The following PLAAT3 variants were observed in gnomAD, a reference collection of about 807,000 sequenced individuals.
The protein encoded by PLAAT3 is phospholipase A and acyltransferase 3.
In PLAAT3, 21 loss-of-function variants were observed where a neutral mutation model predicts 16.7. The ratio of observed to expected loss-of-function variants is 1.26; its 90% CI spans 0.89 to 1.81. The LOEUF (loss-of-function observed/expected upper bound fraction) is 1.81, where lower values mean the gene tolerates loss of function less well. Ranked by LOEUF, PLAAT3 falls within the 40% of genes most tolerant of loss-of-function variation. The probability of loss-of-function intolerance (pLI) is 0.00; values close to 1 mark genes in which losing one functional copy is unlikely to be tolerated. For synonymous variants in PLAAT3, 76 were observed against 81.7 expected, an observed-to-expected ratio of 0.93 and a Z score of 0.38; for missense variants, 219 against 213.7, an observed-to-expected ratio of 1.02 and a Z score of -0.16.
intron 3 of PLAAT3, among the ~76,000 whole-genome samples, chr11:63,593,051 A>G (rs996985771): frequency 2.0e-5 from 3 of 152,048 alleles, no homozygotes; most frequent in Non-Finnish European, 2.9e-5. Flanking sequence ...CCAACCCTCT[A>G]TCTACCACAC....
chr11:63,584,289 CTT>C (rs532324070), intron 4 of PLAAT3, among the ~76,000 whole-genome samples: 4 of 123,392 alleles, frequency 3.2e-5, no homozygotes, highest in Admixed American at 8.1e-5. Context: ...CTTCTGGTTG[CTT>C]TTTTTTTTTT....
intron 3 of PLAAT3, among the ~76,000 whole-genome samples, chr11:63,596,101 G>T (rs78970090): frequency 0.01 from 1,575 of 151,660 alleles, 27 homozygotes; most frequent in African/African-American, 0.035. Context: ...ATTAGCCAGG[G>T]GTGGTGCCAG....
At chr11:63,613,939 A>G in intron 2 of PLAAT3, 61 bp downstream of exon 2, 2 of 1,043,500 alleles carry the variant, frequency 1.9e-6, no homozygotes, top group Non-Finnish European at 3.0e-6. Flanking sequence ...CTCCGAGACA[A>G]CGAGTCCCCA....
intron 4 of PLAAT3, among the ~76,000 whole-genome samples, chr11:63,584,430 A>G (rs1937907188): frequency 1.3e-5 from 2 of 151,918 alleles, no homozygotes; most frequent in African/African-American, 4.8e-5. Context: ...TTAGGCATGT[A>G]AAGCACAAAT....
At chr11:63,614,816 C>T (rs1412410458), upstream of PLAAT3, among the ~76,000 whole-genome samples, 1 of 151,052 alleles carries the variant, frequency 6.6e-6, no homozygotes, top group Non-Finnish European at 1.5e-5. Flanking sequence ...GAGATCGAGA[C>T]CATGCTGGCT....
chr11:63,606,451 CA>C (rs1938564866), intron 2 of PLAAT3, among the ~76,000 whole-genome samples: 3 of 152,020 alleles, frequency 2.0e-5, no homozygotes, highest in African/African-American at 7.2e-5. Context: ...CACACACACA[CA>C]CACACACACA....
chr11:63,601,853 A>G (rs1938439385), intron 2 of PLAAT3, among the ~76,000 whole-genome samples: 1 of 151,964 alleles, frequency 6.6e-6, no homozygotes, highest in Admixed American at 6.6e-5. Flanking sequence ...GGCGTACGCC[A>G]GTAATCCCAG....
intron 2 of PLAAT3, among the ~76,000 whole-genome samples, chr11:63,607,221 G>T (rs764701870): frequency 7.9e-5 from 12 of 152,332 alleles, no homozygotes; most frequent in Admixed American, 6.5e-4. Flanking sequence ...AGGCACTCAC[G>T]CTGGGCAGCG....
chr11:63,594,507 GGCTTTAA>G (rs1938233531), intron 3 of PLAAT3, among the ~76,000 whole-genome samples: 3 of 152,040 alleles, frequency 2.0e-5, no homozygotes, highest in African/African-American at 4.8e-5. Context: ...GATGGGACTT[GGCTTTAA>G]GCTTTGGCAA....
rs143816117 is a variant in PLAAT3 at position 63,599,881 on chromosome 11, G to T, written c.16-1718C>A. Among the ~76,000 whole-genome samples the T allele has an allele frequency of 2.7e-3, 411 of 152,286 alleles. 4 individuals carry two copies. Among genetic ancestry groups the T allele is most frequent in the African/African-American group, 9.7e-3 (403 of 41,564 alleles). On this transcript the variant is annotated intron_variant, in intron 2 of 4. Transcript: ENST00000415826. Reference sequence around the variant, plus strand: ...AAAGAGATGGTGTGGACATCAGTAAGACCATGTTGAGTAATAAGCAGCTGG... The same window carrying T: ...AAAGAGATGGTGTGGACATCAGTAATACCATGTTGAGTAATAAGCAGCTGG...
upstream of PLAAT3, chr11:63,614,530 G>C (rs7482863): frequency 0.82 from 125,579 of 153,416 alleles, 52,015 homozygotes; most frequent in East Asian, 0.99. Flanking sequence ...CCGGTCCCGA[G>C]CCCGGCGACT....
chr11:63,575,572 G>A (rs1308279086), intron 4 of PLAAT3, among the ~76,000 whole-genome samples: 2 of 152,202 alleles, frequency 1.3e-5, no homozygotes, highest in Non-Finnish European at 2.9e-5. Flanking sequence ...ATTATAAATA[G>A]TAGTGATGTT....
Position 63,574,802 on chromosome 11 carries a change from C to T in PLAAT3, c.*143G>A, listed in dbSNP as rs1262164363. 2 of 618,402 alleles carry T rather than the reference C, an allele frequency of 3.2e-6. No homozygotes were observed. The highest frequency in any genetic ancestry group is 1.9e-5 in the South Asian group (1 of 51,654). 38.3% of individuals were successfully genotyped at this position (618,402 alleles called of 1,614,324 possible). ...GCTGCACTTCCCCCAATAAAATCCT[C>T]CCTCGTTTTGCTTTATTTTATTCTG... On this transcript the variant is annotated 3_prime_UTR_variant, in exon 5 of 5. Coordinates refer to ENST00000415826, the MANE Select transcript of PLAAT3 (RefSeq NM_001128203.2).
chr11:63,613,706 G>C (rs1037088897), intron 2 of PLAAT3, among the ~76,000 whole-genome samples: 1 of 106,890 alleles, frequency 9.4e-6, no homozygotes, highest in East Asian at 3.1e-4. Context: ...GGCAGCGCCA[G>C]ATTTCTGCGG....
intron 4 of PLAAT3, among the ~76,000 whole-genome samples, chr11:63,581,224 A>G (rs1324667499): frequency 1.3e-5 from 2 of 152,240 alleles, no homozygotes; most frequent in East Asian, 3.8e-4. Context: ...ACAAGGAAAG[A>G]TAACCATAAG....
intron 3 of PLAAT3, among the ~76,000 whole-genome samples, chr11:63,597,762 T>C (rs1938326927): frequency 6.6e-6 from 1 of 152,100 alleles, no homozygotes; most frequent in African/African-American, 2.4e-5. Context: ...AGATGAAGTT[T>C]CGCTCACTTG....
At chr11:63,606,466 T>C (rs935749544) in intron 2 of PLAAT3, among the ~76,000 whole-genome samples, 12 of 103,594 alleles carry the variant, frequency 1.2e-4, no homozygotes, top group African/African-American at 4.3e-4. Context: ...ACACACACCT[T>C]AGTAAATAAG....
At position 63,596,366 on chromosome 11, in the gene PLAAT3, A is replaced by G. The variant is rs1346658226; in HGVS notation, c.118+1695T>C. Among the ~76,000 whole-genome samples the G allele has an allele frequency of 3.3e-5, 5 of 151,732 alleles. No homozygotes were observed. The South Asian group carries it at 8.3e-4, about 25-fold the overall frequency. On this transcript the variant is annotated intron_variant, in intron 3 of 4. Coordinates refer to ENST00000415826, the MANE Select transcript of PLAAT3 (RefSeq NM_001128203.2). ...GGTCCCTCTACAGCAGCGGTCCCCA[A>G]CCTTTTTAGCACCAGGGACTGGTTT...
At chr11:63,599,968 A>G (rs3934131) in intron 2 of PLAAT3, among the ~76,000 whole-genome samples, 22,595 of 152,148 alleles carry the variant, frequency 0.15, 1,765 homozygotes, top group Middle Eastern at 0.22. Context: ...GAGCCCTCAC[A>G]TAGAACATGC....
Sources: gnomAD v4.1 joint callset for allele counts (sites outside exome capture counted in the v4.1 genomes callset) on GRCh38, gnomAD v4.1.1 for gene constraint, MANE v1.5 for transcripts, NCBI Gene and HGNC (gene_info 2026-07-23, HGNC 2026-07-21) for gene names.